The following MALRD1 variants were observed in gnomAD, a reference collection of about 807,000 sequenced individuals.
MALRD1 encodes the protein MAM and LDL-receptor class A domain-containing protein 1.
MALRD1 carries 247 observed loss-of-function variants against 242.1 expected under a neutral mutation model. The observed-to-expected ratio is 1.02, with a 90% CI of 0.92 to 1.13. The LOEUF (loss-of-function observed/expected upper bound fraction) is 1.13. MALRD1 is among the 50% of genes most tolerant of loss of function. The probability of loss-of-function intolerance (pLI) is 0.00; values close to 1 mark genes in which losing one functional copy is unlikely to be tolerated. For missense variants in MALRD1, 2,989 were observed against 2,533.1 expected, an observed-to-expected ratio of 1.18 and a Z score of -3.86; for synonymous variants, 995 against 866.6, an observed-to-expected ratio of 1.15 and a Z score of -2.60.
At chr10:19,591,619 C>G (rs1334846610) in intron 33 of MALRD1, among the ~76,000 whole-genome samples, 2 of 151,750 alleles carry the variant, frequency 1.3e-5, no homozygotes, top group African/African-American at 4.8e-5. Flanking sequence ...TTGCCTTAGC[C>G]TACTGAGTTG....
At chr10:19,373,203 C>CAAAAAAAAAAAAAACAAAAAAAAAAAAA (rs1845459292) in intron 26 of MALRD1, among the ~76,000 whole-genome samples, 1 of 114,886 alleles carries the variant, frequency 8.7e-6, no homozygotes, top group Non-Finnish European at 1.8e-5. Context: ...ACGCTAAATA[C>CAAAAAAAAAAAAAACAAAAAAAAAAAAA]AAAAAAAAAA....
At chr10:19,503,972 C>T (rs776102889) in intron 31 of MALRD1, among the ~76,000 whole-genome samples, 3 of 152,166 alleles carry the variant, frequency 2.0e-5, no homozygotes, top group Non-Finnish European at 4.4e-5. Flanking sequence ...AGCATACAAG[C>T]TTACTATCAT....
At chr10:19,315,592 T>TATATAAATATATATAAATATA (rs1173998525) in intron 21 of MALRD1, among the ~76,000 whole-genome samples, 4 of 66,500 alleles carry the variant, frequency 6.0e-5, no homozygotes, top group African/African-American at 1.5e-4. Context: ...AAATTATAAA[T>TATATAAATATATATAAATATA]ATTTATATAA....
chr10:19,424,946 T>A (rs192451818), intron 28 of MALRD1, among the ~76,000 whole-genome samples: 2,005 of 151,196 alleles, frequency 0.013, 14 homozygotes, highest in Non-Finnish European at 0.02. Context: ...AAAAAAAAAA[T>A]AAAAAATAAA....
chr10:19,621,816 T>C (rs759326698), intron 36 of MALRD1, among the ~76,000 whole-genome samples: 3 of 151,502 alleles, frequency 2.0e-5, no homozygotes, highest in Non-Finnish European at 4.4e-5. Flanking sequence ...CGGAAAAAAA[T>C]TTTTCATGGC....
In MALRD1 at chr10:19,695,147, A is replaced by G. The variant is rs913981795; in HGVS notation, c.6314+2593A>G. Among the ~76,000 whole-genome samples the G allele has an allele frequency of 4.9e-4, 75 of 152,138 alleles. 1 individual carries two copies. The highest frequency in any genetic ancestry group is 4.9e-3 in the Admixed American group (75 of 15,266). On this transcript the variant is annotated intron_variant, in intron 38 of 39. Coordinates refer to ENST00000454679, the MANE Select transcript of MALRD1 (RefSeq NM_001142308.3). ...AATGATGAGTTAATGGGTGCAGCACACCAACATGGTGCATGTATACATATG... is the reference window on the plus strand; with the variant it reads ...AATGATGAGTTAATGGGTGCAGCACGCCAACATGGTGCATGTATACATATG...
At chr10:19,623,347 T>C (rs899256416) in intron 36 of MALRD1, among the ~76,000 whole-genome samples, 2 of 152,036 alleles carry the variant, frequency 1.3e-5, no homozygotes, top group Admixed American at 6.6e-5. Context: ...AGATAAAAAA[T>C]TCATTTTAAA....
intron 14 of MALRD1, among the ~76,000 whole-genome samples, chr10:19,179,713 ATAT>A (rs1178771039): frequency 1.3e-5 from 2 of 152,156 alleles, no homozygotes; most frequent in African/African-American, 2.4e-5. Context: ...TAACATCATA[ATAT>A]TCTTATTATC....
At chr10:19,447,703 A>G (rs879150139) in intron 28 of MALRD1, among the ~76,000 whole-genome samples, 3 of 152,044 alleles carry the variant, frequency 2.0e-5, no homozygotes, top group Non-Finnish European at 2.9e-5. Flanking sequence ...GCTTTTGTCA[A>G]TATCCAGCCT....
chr10:19,349,976 A>T (rs1844301091), intron 25 of MALRD1, among the ~76,000 whole-genome samples: 1 of 152,164 alleles, frequency 6.6e-6, no homozygotes, highest in Non-Finnish European at 1.5e-5. Flanking sequence ...AATGTCAAAA[A>T]ATTAATGATG....
intron 24 of MALRD1, among the ~76,000 whole-genome samples, chr10:19,337,452 T>G (rs1311146649): frequency 2.0e-5 from 3 of 152,154 alleles, no homozygotes; most frequent in Non-Finnish European, 2.9e-5. Context: ...CTAGGGAGTA[T>G]GAAGTGTAAT....
chr10:19,548,902 A>G (rs550722301), intron 32 of MALRD1, among the ~76,000 whole-genome samples: 1 of 152,318 alleles, frequency 6.6e-6, no homozygotes, highest in Non-Finnish European at 1.5e-5. Context: ...GAAAGGTGAG[A>G]TAGGCTGAAA....
intron 26 of MALRD1, among the ~76,000 whole-genome samples, chr10:19,381,447 T>C (rs1352103622): frequency 6.6e-6 from 1 of 152,102 alleles, no homozygotes; most frequent in Non-Finnish European, 1.5e-5. Context: ...TGAAGGCACG[T>C]TAGCCAAATG....
At position 19,655,040 on chromosome 10, in the gene MALRD1, C is replaced by T. The variant is rs1277167706; in HGVS notation, c.6138-37242C>T. Among the ~76,000 whole-genome samples, 3 of 152,160 alleles carry T rather than the reference C, an allele frequency of 2.0e-5. No individual in the cohort carries two copies. The East Asian group carries it at 5.8e-4, about 29-fold the overall frequency. ...ATGCATTTTAGAAACAAACACGATG[C>T]AATTTGTCAATACTTTGCCCTGTTC... On this transcript the variant is annotated intron_variant, in intron 36 of 39. Transcript: ENST00000454679.
chr10:19,549,331 A>G (rs1412919500), intron 32 of MALRD1, among the ~76,000 whole-genome samples: 1 of 152,220 alleles, frequency 6.6e-6, no homozygotes, highest in East Asian at 1.9e-4. Flanking sequence ...AAGAAGTTCT[A>G]CTGTGGGTAA....
At chr10:19,233,360 G>A (rs113525394) in intron 18 of MALRD1, among the ~76,000 whole-genome samples, 11,435 of 152,152 alleles carry the variant, frequency 0.075, 745 homozygotes, top group Admixed American at 0.21. Context: ...AAATTAGCCA[G>A]GTGTGGTGGC....
At chr10:19,282,012 T>C in intron 20 of MALRD1, among the ~76,000 whole-genome samples, 1 of 149,158 alleles carries the variant, frequency 6.7e-6, no homozygotes, top group African/African-American at 2.5e-5. Flanking sequence ...AGATCTACCA[T>C]CTTAACAAAA....
At chr10:19,563,859 G>T (rs1258509812) in intron 32 of MALRD1, among the ~76,000 whole-genome samples, 1 of 152,158 alleles carries the variant, frequency 6.6e-6, no homozygotes, top group East Asian at 1.9e-4. Context: ...GGCCTGGTGG[G>T]GTCTTGGGTG....
chr10:19,134,879 G>A lies in MALRD1; in HGVS notation c.1203+931G>A, dbSNP rs569678003. On this transcript the variant is annotated intron_variant, in intron 9 of 39. Coordinates refer to ENST00000454679, the MANE Select transcript of MALRD1 (RefSeq NM_001142308.3). ...AGCTGTTCAATAATTATAGGCCTTT[G>A]AGATCTAAGTTTAAAACCATCAATT... Among the ~76,000 whole-genome samples the A allele has an allele frequency of 3.4e-4, 52 of 152,138 alleles. 1 individual carries two copies. The South Asian group carries it at 6.6e-3, about 19-fold the overall frequency.
Sources: gnomAD v4.1 joint callset for allele counts (sites outside exome capture counted in the v4.1 genomes callset) on GRCh38, gnomAD v4.1.1 for gene constraint, MANE v1.5 for transcripts, NCBI Gene and HGNC (gene_info 2026-07-23, HGNC 2026-07-21) for gene names.